The following NELL1 variants were observed in gnomAD, a reference collection of about 807,000 sequenced individuals.
NELL1 encodes protein kinase C-binding protein NELL1.
Under a neutral mutation model 107.4 loss-of-function variants are expected in NELL1, and 76 were observed. The ratio of observed to expected loss-of-function variants is 0.71; its 90% CI spans 0.59 to 0.86. The LOEUF is 0.86. Ranked by LOEUF, NELL1 falls within the 40% of genes least tolerant of loss-of-function variation. The pLI is 0.00. For missense variants in NELL1, 1,024 were observed against 1,005.5 expected (o/e 1.02, Z -0.25); for synonymous variants, 353 against 341.2 (o/e 1.03, Z -0.38).
intron 15 of NELL1, among the ~76,000 whole-genome samples, chr11:21,412,324 A>C (rs1852398926): frequency 6.6e-6 from 1 of 152,102 alleles, no homozygotes; most frequent in Admixed American, 6.6e-5. Flanking sequence ...GATAGGACAT[A>C]AATGATTTTG....
At chr11:20,795,610 T>C (rs572691902) in intron 3 of NELL1, among the ~76,000 whole-genome samples, 1 of 152,310 alleles carries the variant, frequency 6.6e-6, no homozygotes. Flanking sequence ...CTCTATAAGA[T>C]ATAATGGTAA....
chr11:21,221,005 C>T (rs188577744), intron 13 of NELL1, among the ~76,000 whole-genome samples: 2 of 152,222 alleles, frequency 1.3e-5, no homozygotes, highest in East Asian at 1.9e-4. Context: ...CAGCTATGGG[C>T]TTGCCTATAT....
At chr11:21,074,320 A>G (rs760827365) in intron 12 of NELL1, among the ~76,000 whole-genome samples, 2 of 152,180 alleles carry the variant, frequency 1.3e-5, no homozygotes, top group Non-Finnish European at 2.9e-5. Flanking sequence ...AGCCTGTTGT[A>G]ATGCTGTGGT....
At chr11:21,242,332 G>C (rs1298679920) in intron 14 of NELL1, among the ~76,000 whole-genome samples, 1 of 152,048 alleles carries the variant, frequency 6.6e-6, no homozygotes, top group Non-Finnish European at 1.5e-5. Flanking sequence ...TCCGTCAGAA[G>C]ATGGGAAAAG....
chr11:21,312,485 A>G lies in NELL1; in HGVS notation c.1550-58368A>G, dbSNP rs916357788. Among the ~76,000 whole-genome samples the G allele has an allele frequency of 4.6e-5, 7 of 152,286 alleles. No homozygotes were observed. The East Asian group carries it at 1.2e-3, about 25-fold the overall frequency. On this transcript the variant is annotated intron_variant, in intron 14 of 19. Coordinates refer to ENST00000357134, the MANE Select transcript of NELL1 (RefSeq NM_006157.5). The stretch of plus-strand genomic sequence containing the variant: ...ATTGATTAGAAGGAGGAAAATAGCA[A>G]CTGCCATCAATCACACCCTGATTAC...
intron 14 of NELL1, among the ~76,000 whole-genome samples, chr11:21,364,470 A>G (rs1309184254): frequency 6.7e-6 from 1 of 149,926 alleles, no homozygotes; most frequent in African/African-American, 2.5e-5. Context: ...ACAAAATGCT[A>G]TGGACTAAAA....
chr11:21,531,959 G>A (rs1382315531), intron 15 of NELL1, among the ~76,000 whole-genome samples: 2 of 152,152 alleles, frequency 1.3e-5, no homozygotes, highest in Non-Finnish European at 2.9e-5. Flanking sequence ...ACAGAAGAAA[G>A]CCAGTGTTAG....
intron 15 of NELL1, among the ~76,000 whole-genome samples, chr11:21,471,383 A>G (rs1436371073): frequency 1.3e-5 from 2 of 152,094 alleles, no homozygotes. Context: ...TAATAAAACT[A>G]TTTAGAAATA....
intron 15 of NELL1, among the ~76,000 whole-genome samples, chr11:21,426,735 GA>G (rs971363226): frequency 1.2e-4 from 19 of 152,040 alleles, no homozygotes; most frequent in African/African-American, 4.6e-4. Context: ...GGTGCAGTCA[GA>G]AAAAAATGAG....
intron 10 of NELL1, among the ~76,000 whole-genome samples, chr11:20,942,743 G>A (rs770657416): frequency 6.6e-6 from 1 of 152,152 alleles, no homozygotes; most frequent in Non-Finnish European, 1.5e-5. Flanking sequence ...TAAAATTGTT[G>A]CTTTTGTCTT....
chr11:21,119,298 G>A (rs1412266926), intron 13 of NELL1, among the ~76,000 whole-genome samples: 1 of 150,924 alleles, frequency 6.6e-6, no homozygotes, highest in Admixed American at 6.6e-5. Flanking sequence ...TGAGACAGTG[G>A]ATGCTAAGCA....
intron 15 of NELL1, among the ~76,000 whole-genome samples, chr11:21,398,075 A>G (rs889065011): frequency 9.9e-5 from 15 of 151,574 alleles, no homozygotes; most frequent in East Asian, 7.8e-4. Flanking sequence ...TAAAATATGT[A>G]TTTGCAATTA....
At chr11:21,461,111 T>C (rs1021358563) in intron 15 of NELL1, among the ~76,000 whole-genome samples, 1 of 152,050 alleles carries the variant, frequency 6.6e-6, no homozygotes, top group Non-Finnish European at 1.5e-5. Flanking sequence ...GGAAGGGGTG[T>C]TAATAATTCC....
In NELL1 at chr11:21,264,205, T is replaced by C. The variant is rs988669860; in HGVS notation, c.1549+34751T>C. Among the ~76,000 whole-genome samples, 8 of 151,726 alleles carry C rather than the reference T, an allele frequency of 5.3e-5. No individual in the cohort carries two copies. In the East Asian group the frequency reaches 1.4e-3, roughly 26 times the overall value. On this transcript the variant is annotated intron_variant, in intron 14 of 19. Coordinates refer to ENST00000357134, the MANE Select transcript of NELL1 (RefSeq NM_006157.5). ...ACAGGAGAAGAAAAGCAGCATGATA[T>C]AGGGAAAAAGAGCACAGGCTTAGGA...
intron 14 of NELL1, among the ~76,000 whole-genome samples, chr11:21,365,987 G>A (rs1851209953): frequency 6.6e-6 from 1 of 152,096 alleles, no homozygotes; most frequent in Admixed American, 6.6e-5. Context: ...ATTGTAGGAT[G>A]TTTAAACATT....
chr11:20,808,465 C>T (rs1191081061), intron 3 of NELL1, among the ~76,000 whole-genome samples: 1 of 152,198 alleles, frequency 6.6e-6, no homozygotes, highest in Admixed American at 6.5e-5. Flanking sequence ...CTGTGAGCTG[C>T]ACTGCCTGGG....
intron 13 of NELL1, among the ~76,000 whole-genome samples, chr11:21,194,310 G>A (rs1451158794): frequency 6.6e-6 from 1 of 152,062 alleles, no homozygotes; most frequent in Non-Finnish European, 1.5e-5. Context: ...ATCAAGGCTT[G>A]GCTTCTGACT....
chr11:20,807,873 C>T (rs1276669093), intron 3 of NELL1, among the ~76,000 whole-genome samples: 1 of 152,158 alleles, frequency 6.6e-6, no homozygotes, highest in African/African-American at 2.4e-5. Flanking sequence ...CACTGATGTT[C>T]CCTTAAGGCC....
chr11:21,036,682 C>T (rs1437711030), intron 12 of NELL1, among the ~76,000 whole-genome samples: 2 of 151,976 alleles, frequency 1.3e-5, no homozygotes, highest in Non-Finnish European at 2.9e-5. Flanking sequence ...TTAATGAATT[C>T]TTCCTTTAGT....
Sources: gnomAD v4.1 joint callset for allele counts (sites outside exome capture counted in the v4.1 genomes callset) on GRCh38, gnomAD v4.1.1 for gene constraint, MANE v1.5 for transcripts, NCBI Gene and HGNC (gene_info 2026-07-23, HGNC 2026-07-21) for gene names.